ZBTB20: variants seen among roughly 807,000 people sequenced by gnomAD.
ZBTB20 encodes the protein zinc finger and BTB domain-containing protein 20.
ZBTB20 carries 9 observed loss-of-function variants against 56.9 expected under a neutral mutation model. That is an observed-to-expected ratio of 0.16 (90% CI 0.10 to 0.28). The LOEUF (loss-of-function observed/expected upper bound fraction) is 0.28. ZBTB20 is among the 10% of genes least tolerant of loss of function. The pLI, the probability that ZBTB20 is intolerant of heterozygous loss-of-function variation, is 1.00. For missense variants in ZBTB20, 655 were observed against 1,003.0 expected, an observed-to-expected ratio of 0.65 and a Z score of 4.69; for synonymous variants, 417 against 420.7, an observed-to-expected ratio of 0.99 and a Z score of 0.11.
chr3:114,830,511 G>C (rs1001788761), intron 4 of ZBTB20, among the ~76,000 whole-genome samples: 1 of 151,592 alleles, frequency 6.6e-6, no homozygotes, highest in Non-Finnish European at 1.5e-5. Flanking sequence ...AAATTAATGA[G>C]TCTCTCACTC....
chr3:115,032,454 T>C (rs1445677554), intron 2 of ZBTB20, among the ~76,000 whole-genome samples: 1 of 151,420 alleles, frequency 6.6e-6, no homozygotes, highest in East Asian at 1.9e-4. Flanking sequence ...ATAGATATTT[T>C]CTGGGAAGAG....
At chr3:115,013,619 C>G (rs78855805) in intron 2 of ZBTB20, among the ~76,000 whole-genome samples, 5,318 of 151,704 alleles carry the variant, frequency 0.035, 120 homozygotes, top group African/African-American at 0.05. Context: ...AACACCCAAT[C>G]CTACTCAAAT....
chr3:114,830,594 T>C (rs674293), intron 4 of ZBTB20, among the ~76,000 whole-genome samples: 149,246 of 151,996 alleles, frequency 0.98, 73,345 homozygotes, highest in East Asian at 1. Flanking sequence ...ATAATGATCT[T>C]ATTTACTCCT....
At chr3:114,582,588 C>CTCGA (rs2054760911) in intron 6 of ZBTB20, among the ~76,000 whole-genome samples, 2 of 152,130 alleles carry the variant, frequency 1.3e-5, no homozygotes, top group African/African-American at 4.8e-5. Flanking sequence ...CCATGTTGGC[C>CTCGA]AGGCTGGTCT....
In ZBTB20 at chr3:114,713,664, C is replaced by T. The variant is rs1348106156; in HGVS notation, c.-342-20089G>A. Among the ~76,000 whole-genome samples, 3 of 152,122 alleles carry T rather than the reference C, an allele frequency of 2.0e-5. No individual in the cohort carries two copies. The East Asian group carries it at 5.8e-4, about 29-fold the overall frequency. On this transcript the variant is annotated intron_variant, in intron 5 of 11. Coordinates refer to ENST00000675478, the MANE Select transcript of ZBTB20 (RefSeq NM_001348800.3). The stretch of plus-strand genomic sequence containing the variant: ...TGCATTTTCCAAAGAGATTACAATG[C>T]CAGGCTTTGAACATTGAAGGGTAAT...
chr3:114,515,772 A>G lies in ZBTB20; in HGVS notation c.-294-15381T>C, dbSNP rs564737908. 2.6e-5 allele frequency among the ~76,000 whole-genome samples: 4 copies of G among 152,292 alleles called. No individual in the cohort carries two copies. The East Asian group carries it at 7.7e-4, about 29-fold the overall frequency. On this transcript the variant is annotated intron_variant, in intron 6 of 11. Transcript: ENST00000675478. ...ACCTCATCCAGGATCTTATTATATC[A>G]GTTACTTTTCCTTTCTTTTGTATTT...
chr3:114,861,271 G>A (rs1001222514), intron 4 of ZBTB20, among the ~76,000 whole-genome samples: 32 of 152,032 alleles, frequency 2.1e-4, no homozygotes, highest in Admixed American at 1.2e-3. Flanking sequence ...CGGAAATTAT[G>A]TACTGCTTAT....
At chr3:114,346,653 TA>T (rs1403659468) in intron 11 of ZBTB20, among the ~76,000 whole-genome samples, 1 of 151,756 alleles carries the variant, frequency 6.6e-6, no homozygotes, top group East Asian at 1.9e-4. Context: ...CCAAAGCCAA[TA>T]TGATGGACTA....
At chr3:115,124,311 C>T (rs1576813117) in intron 1 of ZBTB20, among the ~76,000 whole-genome samples, 2 of 152,224 alleles carry the variant, frequency 1.3e-5, no homozygotes, top group South Asian at 2.1e-4. Context: ...TATAAGGTTG[C>T]CATTACATTT....
intron 6 of ZBTB20, among the ~76,000 whole-genome samples, chr3:114,598,102 C>T (rs1209545307): frequency 6.6e-6 from 1 of 152,092 alleles, no homozygotes; most frequent in African/African-American, 2.4e-5. Context: ...CACAAAGAGA[C>T]ATTATCCACT....
chr3:114,452,234 T>C (rs2091666692), intron 7 of ZBTB20, among the ~76,000 whole-genome samples: 1 of 152,156 alleles, frequency 6.6e-6, no homozygotes, highest in African/African-American at 2.4e-5. Flanking sequence ...TTTTAAAGAC[T>C]GAGTTTCTCT....
chr3:114,979,407 C>T (rs1305574727), intron 2 of ZBTB20, among the ~76,000 whole-genome samples: 1 of 151,924 alleles, frequency 6.6e-6, no homozygotes, highest in African/African-American at 2.4e-5. Context: ...GCTATAAAAT[C>T]ATGCTGTTCA....
chr3:114,598,697 AT>A (rs896215146), intron 6 of ZBTB20, among the ~76,000 whole-genome samples: 1 of 152,010 alleles, frequency 6.6e-6, no homozygotes, highest in Admixed American at 6.6e-5. Context: ...GTTATGAGGA[AT>A]TTTTTTCTCT....
At chr3:114,733,318 A>T (rs1481514568) in intron 5 of ZBTB20, among the ~76,000 whole-genome samples, 5 of 152,192 alleles carry the variant, frequency 3.3e-5, no homozygotes, top group Non-Finnish European at 7.3e-5. Flanking sequence ...CTACCTGGAT[A>T]CCCAACGCCT....
At chr3:114,909,580 T>A (rs558390622) in intron 3 of ZBTB20, among the ~76,000 whole-genome samples, 6 of 152,092 alleles carry the variant, frequency 3.9e-5, no homozygotes, top group African/African-American at 1.4e-4. Flanking sequence ...TCAGAGCAAC[T>A]TCCAGTCTTG....
chr3:114,790,186 C>T (rs1473290990), intron 5 of ZBTB20, among the ~76,000 whole-genome samples: 1 of 152,096 alleles, frequency 6.6e-6, no homozygotes, highest in East Asian at 1.9e-4. Flanking sequence ...TCTCAGTCTG[C>T]TTATCTGAGA....
At chr3:114,689,324 T>G (rs1277762553) in intron 6 of ZBTB20, among the ~76,000 whole-genome samples, 1 of 152,202 alleles carries the variant, frequency 6.6e-6, no homozygotes, top group Non-Finnish European at 1.5e-5. Flanking sequence ...ATCTTGCTTT[T>G]GTGACATGTA....
intron 1 of ZBTB20, among the ~76,000 whole-genome samples, chr3:115,145,757 A>G (rs1347194855): frequency 6.6e-6 from 1 of 152,218 alleles, no homozygotes; most frequent in African/African-American, 2.4e-5. Context: ...GGGAGCATGA[A>G]CAGAAATGAA....
At chr3:114,871,531 A>T (rs2076011224) in intron 4 of ZBTB20, among the ~76,000 whole-genome samples, 1 of 152,148 alleles carries the variant, frequency 6.6e-6, no homozygotes, top group African/African-American at 2.4e-5. Flanking sequence ...CTTTCTCCTT[A>T]AAAAACACCA....
Sources: gnomAD v4.1 joint callset for allele counts (sites outside exome capture counted in the v4.1 genomes callset) on GRCh38, gnomAD v4.1.1 for gene constraint, MANE v1.5 for transcripts, NCBI Gene and HGNC (gene_info 2026-07-23, HGNC 2026-07-21) for gene names.